Variants in PDE3A observed in about 807,000 individuals in gnomAD.
PDE3A encodes the protein cGMP-inhibited 3',5'-cyclic phosphodiesterase 3A.
Under a neutral mutation model 98.3 loss-of-function variants are expected in PDE3A, and 43 were observed. The ratio of observed to expected loss-of-function variants is 0.44; its 90% CI spans 0.34 to 0.56. PDE3A has a LOEUF of 0.56. Ranked by LOEUF, PDE3A falls within the 20% of genes least tolerant of loss-of-function variation. The pLI is 0.01. For missense variants in PDE3A, 1,427 were observed against 1,440.7 expected, an observed-to-expected ratio of 0.99 and a Z score of 0.15; for synonymous variants, 663 against 567.9, an observed-to-expected ratio of 1.17 and a Z score of -2.38.
intron 2 of PDE3A, among the ~76,000 whole-genome samples, chr12:20,560,716 T>A (rs1182872265): frequency 2.0e-5 from 3 of 152,140 alleles, no homozygotes; most frequent in African/African-American, 7.2e-5. Flanking sequence ...AAAGAATTAG[T>A]GTGGAAAAGA....
intron 1 of PDE3A, among the ~76,000 whole-genome samples, chr12:20,497,937 G>A (rs1319593293): frequency 6.6e-6 from 1 of 152,124 alleles, no homozygotes; most frequent in Non-Finnish European, 1.5e-5. Context: ...AGGGAGTGGG[G>A]AGGAAATCAT....
At chr12:20,555,047 A>C (rs1942331824) in intron 1 of PDE3A, among the ~76,000 whole-genome samples, 1 of 151,818 alleles carries the variant, frequency 6.6e-6, no homozygotes, top group African/African-American at 2.4e-5. Context: ...TTTGAGATGG[A>C]GTCTCACTTT....
rs374430150 is a variant in PDE3A at position 20,616,185 on chromosome 12, G to GAGAT, written c.1270-43_1270-40dup. 535 of 1,546,996 alleles carry GAGAT rather than the reference G, an allele frequency of 3.5e-4. 1 individual carries two copies. In the African/African-American group the frequency reaches 5.4e-3, roughly 16 times the overall value. On this transcript the variant is annotated intron_variant, in intron 3 of 15. Coordinates refer to ENST00000359062, the MANE Select transcript of PDE3A (RefSeq NM_000921.5). The stretch of plus-strand genomic sequence containing the variant: ...TTCTATTATATTACATAAAATTTAA[G>GAGAT]AGATATAAAATATTCTGGGTAATGA...
At chr12:20,385,173 C>T (rs1418038718) in intron 1 of PDE3A, among the ~76,000 whole-genome samples, 1 of 151,796 alleles carries the variant, frequency 6.6e-6, no homozygotes, top group Non-Finnish European at 1.5e-5. Flanking sequence ...TGTTATTTCT[C>T]CACAGCCTCA....
chr12:20,484,480 C>T (rs776664213), intron 1 of PDE3A, among the ~76,000 whole-genome samples: 35 of 152,238 alleles, frequency 2.3e-4, no homozygotes, highest in Admixed American at 5.9e-4. Context: ...TGATTTTTGG[C>T]GTATCTGTGA....
At chr12:20,669,217 G>A (rs1468260532) in intron 15 of PDE3A, among the ~76,000 whole-genome samples, 17 of 151,740 alleles carry the variant, frequency 1.1e-4, no homozygotes, top group East Asian at 5.8e-4. Context: ...CCAAATCTAC[G>A]TCTGATTGGT....
At chr12:20,397,383 G>C (rs984121178) in intron 1 of PDE3A, among the ~76,000 whole-genome samples, 1 of 151,912 alleles carries the variant, frequency 6.6e-6, no homozygotes, top group Non-Finnish European at 1.5e-5. Flanking sequence ...AGGAAGTTGG[G>C]CTTATCTCAA....
intron 1 of PDE3A, among the ~76,000 whole-genome samples, chr12:20,406,607 A>G (rs1035812597): frequency 6.6e-6 from 1 of 152,076 alleles, no homozygotes; most frequent in Non-Finnish European, 1.5e-5. Context: ...TTGGATATTA[A>G]TCTCTTATTG....
chr12:20,373,759 C>T (rs188068739), intron 1 of PDE3A, among the ~76,000 whole-genome samples: 156 of 152,176 alleles, frequency 1.0e-3, no homozygotes, highest in South Asian at 0.01. Context: ...CCATTTTGAT[C>T]TTAGTTGTCG....
At chr12:20,644,618 G>A (rs544347806) in intron 10 of PDE3A, among the ~76,000 whole-genome samples, 7 of 152,158 alleles carry the variant, frequency 4.6e-5, no homozygotes, top group South Asian at 2.1e-4. Context: ...AAATATGATC[G>A]TAATTCTCTT....
chr12:20,544,969 G>A (rs568403209), intron 1 of PDE3A, among the ~76,000 whole-genome samples: 1 of 151,980 alleles, frequency 6.6e-6, no homozygotes, highest in South Asian at 2.1e-4. Context: ...CAGGTACTGG[G>A]ACTATCCAAG....
chr12:20,392,248 T>C (rs1384371587), intron 1 of PDE3A, among the ~76,000 whole-genome samples: 1 of 152,038 alleles, frequency 6.6e-6, no homozygotes, highest in East Asian at 1.9e-4. Context: ...AGGTTTCTGC[T>C]TTGTTAAATA....
chr12:20,581,960 C>T (rs11045316), intron 2 of PDE3A, among the ~76,000 whole-genome samples: 25,748 of 151,918 alleles, frequency 0.17, 2,289 homozygotes, highest in Middle Eastern at 0.24. Flanking sequence ...TCATTGACTA[C>T]CAGTATAATG....
chr12:20,661,733 T>C (rs1434160415), intron 15 of PDE3A, among the ~76,000 whole-genome samples: 1 of 152,214 alleles, frequency 6.6e-6, no homozygotes, highest in Non-Finnish European at 1.5e-5. Flanking sequence ...TGGGAACCTC[T>C]GCCTATATTT....
chr12:20,509,757 C>T lies in PDE3A; in HGVS notation c.961-46903C>T, dbSNP rs563450234. 3.3e-5 allele frequency among the ~76,000 whole-genome samples: 5 copies of T among 151,964 alleles called. No individual in the cohort carries two copies. The South Asian group carries it at 1.0e-3, about 31-fold the overall frequency. On this transcript the variant is annotated intron_variant, in intron 1 of 15. Coordinates refer to ENST00000359062, the MANE Select transcript of PDE3A (RefSeq NM_000921.5). ...CTTCTCTTTAGTGCCACTTAGAAAA[C>T]TTGGAAATAAACAAAAAATGAAGCT...
At chr12:20,543,370 ACT>A (rs1159774203) in intron 1 of PDE3A, among the ~76,000 whole-genome samples, 4 of 151,154 alleles carry the variant, frequency 2.6e-5, no homozygotes, top group African/African-American at 9.7e-5. Context: ...TATTGAACAG[ACT>A]CTCTCTAGCT....
intron 2 of PDE3A, among the ~76,000 whole-genome samples, chr12:20,607,502 C>G (rs527641693): frequency 1.7e-4 from 25 of 151,186 alleles, no homozygotes; most frequent in Middle Eastern, 3.4e-3. Context: ...CCAAAAGTAT[C>G]AGTTATTTTT....
At chr12:20,441,448 A>G (rs948773106) in intron 1 of PDE3A, among the ~76,000 whole-genome samples, 3 of 152,210 alleles carry the variant, frequency 2.0e-5, no homozygotes, top group Non-Finnish European at 2.9e-5. Context: ...TGGGTCATAA[A>G]ATGCATTAGA....
At chr12:20,634,172 T>C (rs1447883029) in intron 7 of PDE3A, among the ~76,000 whole-genome samples, 1 of 152,178 alleles carries the variant, frequency 6.6e-6, no homozygotes, top group Non-Finnish European at 1.5e-5. Flanking sequence ...TTATATAATA[T>C]ATAGAACTAT....
Sources: gnomAD v4.1 joint callset for allele counts (sites outside exome capture counted in the v4.1 genomes callset) on GRCh38, gnomAD v4.1.1 for gene constraint, MANE v1.5 for transcripts, NCBI Gene and HGNC (gene_info 2026-07-23, HGNC 2026-07-21) for gene names.